The following TRPM4 variants were observed in gnomAD, a reference collection of about 807,000 sequenced individuals.
The protein encoded by TRPM4 is transient receptor potential cation channel subfamily M member 4.
Under a neutral mutation model 135.6 loss-of-function variants are expected in TRPM4, and 124 were observed. The ratio of observed to expected loss-of-function variants is 0.91; its 90% CI spans 0.79 to 1.06. The LOEUF (loss-of-function observed/expected upper bound fraction) is 1.06, where lower values mean the gene tolerates loss of function less well. Ranked by LOEUF, TRPM4 falls within the 50% of genes least tolerant of loss-of-function variation. The pLI, the probability that TRPM4 is intolerant of heterozygous loss-of-function variation, is 0.00. For missense variants in TRPM4, 1,658 were observed against 1,671.4 expected (o/e 0.99, Z 0.14); for synonymous variants, 745 against 705.6 (o/e 1.06, Z -0.88).
rs1454721040 is a variant in TRPM4, at chr19:49,164,374, T to TG, written c.93-1667_93-1666insG. ...TCCTTTCTTTCCTTAGTTTTTTTTT[T>TG]TTTTTTTTTTTTTTTTTTTTTTTTG... On this transcript the variant is annotated intron_variant, in intron 2 of 24. Coordinates refer to ENST00000252826, the MANE Select transcript of TRPM4 (RefSeq NM_017636.4). Among the ~76,000 whole-genome samples the TG allele has an allele frequency of 5.8e-3, 504 of 86,884 alleles. 3 individuals carry two copies. The highest frequency in any genetic ancestry group is 8.7e-3 in the South Asian group (20 of 2,310). 57.0% of individuals were successfully genotyped at this position (86,884 alleles called of 152,430 possible).
In TRPM4 at chr19:49,200,355, G is replaced by C; in HGVS notation, c.2701G>C (p.Val901Leu). The change falls in exon 18 of 25, where the codon GTT (valine) becomes CTT (leucine). Residue 901 changes from valine (V) to leucine (L), a missense_variant. By Grantham distance (32) the Val-to-Leu change is conservative. Coordinates refer to ENST00000252826, the MANE Select transcript of TRPM4 (RefSeq NM_017636.4). The part of the protein sequence containing the change: ...GRTVLCIDFM[V>L]FTVRLLHIFT... ...CACTGTCCTCTGCATCGACTTCATG[G>C]TTTTCACGGTGCGGCTGCTTCACAT... is the stretch of plus-strand genomic sequence containing the variant. The C allele has an allele frequency of 6.2e-7, 1 of 1,613,854 alleles. No individual in the cohort carries two copies. The highest frequency in any genetic ancestry group is 2.2e-5 in the East Asian group (1 of 44,860).
intron 9 of TRPM4, among the ~76,000 whole-genome samples, chr19:49,172,510 G>A (rs1482144309): frequency 1.3e-5 from 2 of 148,650 alleles, no homozygotes; most frequent in African/African-American, 5.0e-5. Context: ...CTTCTCACCT[G>A]TCCATCCACA....
chr19:49,168,313 G>A lies in TRPM4; in HGVS notation c.502G>A (p.Val168Met), dbSNP rs775979097. The A allele has an allele frequency of 6.2e-7, 1 of 1,614,176 alleles. No homozygotes were observed. The highest frequency in any genetic ancestry group is 8.5e-7 in the Non-Finnish European group (1 of 1,180,046). The change falls in exon 5 of 25, where the codon GTG (valine) becomes ATG (methionine). Residue 168 changes from valine to methionine, a missense_variant. Around this residue, in one of 3 missense-constraint regions of TRPM4, gnomAD observed 239 missense variants for 240.1 expected, o/e 1.00. Transcript: ENST00000252826. ...CACGGGCATCGGCCGGCATGTTGGT[G>A]TGGCTGTACGGGACCATCAGATGGC... ...LHTGIGRHVG[V>M]AVRDHQMAST... is the part of the protein sequence containing the mutation.
In TRPM4 at chr19:49,157,990, CGGA is replaced by C. The variant is rs540502894; in HGVS notation, c.24+106_24+108del. On this transcript the variant is annotated intron_variant, in intron 1 of 24. Transcript: ENST00000252826. Reference sequence around the variant, plus strand: ...TGGACACCCAGATTCCTGGGTCAGACGGAGGAGGGGGATGGGAGGGTCCAGGTT... The same window carrying C: ...TGGACACCCAGATTCCTGGGTCAGACGGAGGGGGATGGGAGGGTCCAGGTT... The C allele has an allele frequency of 1.4e-5, 19 of 1,398,232 alleles. No individual in the cohort carries two copies. In the Admixed American group the frequency reaches 2.2e-4, roughly 16 times the overall value. The allele number at this position is 1,398,232 out of a possible 1,614,324, so 86.6% of individuals were successfully genotyped here.
intron 9 of TRPM4, 48 bp from the exon 10 acceptor site, chr19:49,181,301 G>A (rs1459197483): frequency 1.4e-6 from 2 of 1,389,338 alleles, no homozygotes; most frequent in Admixed American, 1.7e-5. Flanking sequence ...TTCAGCAGAT[G>A]TCCCTCCTCC....
Position 49,200,595 on chromosome 19 carries a change from C to A in TRPM4, c.2779-16C>A. 6.2e-7 allele frequency: 1 copy of A among 1,610,952 alleles called. No individual in the cohort carries two copies. The highest frequency in any genetic ancestry group is 1.7e-4 in the Middle Eastern group (1 of 6,060). On this transcript the variant is annotated splice_polypyrimidine_tract_variant and intron_variant, in intron 18 of 24. Coordinates refer to ENST00000252826, the MANE Select transcript of TRPM4 (RefSeq NM_017636.4). Reference sequence around the variant, plus strand: ...TAGGAAAGGGCGGGGCCAGACTCAGCCACATCTCCCCACAGATGAAGGACG... The same window carrying A: ...TAGGAAAGGGCGGGGCCAGACTCAGACACATCTCCCCACAGATGAAGGACG...
intron 20 of TRPM4, 124 bp downstream of exon 20, chr19:49,202,265 C>G (rs968977773): frequency 3.5e-5 from 42 of 1,190,812 alleles, no homozygotes; most frequent in Middle Eastern, 2.1e-4. Flanking sequence ...TCTAATGCTG[C>G]CTTCTCCCCA....
At chr19:49,176,175 C>G (rs1055881512) in intron 9 of TRPM4, among the ~76,000 whole-genome samples, 2 of 151,846 alleles carry the variant, frequency 1.3e-5, no homozygotes, top group Non-Finnish European at 2.9e-5. Context: ...CCACCCGCCT[C>G]GGCCTCCCAA....
Position 49,187,119 on chromosome 19 carries a change from G to A in TRPM4, c.1744-1522G>A, listed in dbSNP as rs1625586. ...TTGCCACTGAACTGGGGAGCTGGGG[G>A]TAGTAAGTGGGTAGGTTAAAATGTC... On this transcript the variant is annotated intron_variant, in intron 12 of 24. Transcript: ENST00000252826. Among the ~76,000 whole-genome samples the A allele has an allele frequency of 8.7e-3, 1,320 of 152,046 alleles. 22 individuals carry two copies. Among genetic ancestry groups the A allele is most frequent in the African/African-American group, 0.03 (1,238 of 41,448 alleles).
intron 6 of TRPM4, 31 bp downstream of exon 6, chr19:49,168,767 A>G: frequency 6.4e-7 from 1 of 1,565,264 alleles, no homozygotes; most frequent in Non-Finnish European, 8.7e-7. Context: ...CCCACAACCC[A>G]CGACCCACAA....
rs200860926 is a variant in TRPM4, at chr19:49,183,184, C to A, written c.1715C>A (p.Ala572Glu). 2.3e-5 allele frequency: 37 copies of A among 1,614,006 alleles called. 1 individual carries two copies. The highest frequency in any genetic ancestry group is 3.1e-5 in the Non-Finnish European group (36 of 1,180,022). The change falls in exon 12 of 25, where the codon GCA (alanine) becomes GAA (glutamate). Residue 572 changes from alanine (A) to glutamate (E), a missense_variant. Ala to Glu is a moderately radical substitution (Grantham distance 107). This residue lies in a region of TRPM4 where 1,412 missense variants were observed against 1,408.7 expected (regional missense o/e 1.00). Coordinates refer to ENST00000252826, the MANE Select transcript of TRPM4 (RefSeq NM_017636.4). The stretch of plus-strand genomic sequence containing the variant: ...CTTTGGGCACTGTTGCTGAACAGGG[C>A]ACAGATGGCCATGTACTTCTGGGAG... ...LLLWALLLNR[A>E]QMAMYFWEMG...
Position 49,200,386 on chromosome 19 carries a change from C to T in TRPM4, c.2732C>T (p.Thr911Met), listed in dbSNP as rs148006852. The T allele has an allele frequency of 1.5e-5, 24 of 1,609,496 alleles. No homozygotes were observed. The African/African-American group carries it at 1.7e-4, about 12-fold the overall frequency. ...ACGGTGCGGCTGCTTCACATCTTCACGGTCAACAAACAGCTGGGGCCCAAG... is the reference window on the plus strand; with the variant it reads ...ACGGTGCGGCTGCTTCACATCTTCATGGTCAACAAACAGCTGGGGCCCAAG... ...VFTVRLLHIF[T>M]VNKQLGPKIV... is the part of the protein sequence containing the mutation. Residue 911 changes from threonine (T) to methionine (M), a missense_variant, in exon 18 of 25, where the codon ACG becomes ATG. Physicochemically the swap from Thr to Met is moderately conservative, Grantham distance 81 (BLOSUM62 -1). Around this residue, in one of 3 missense-constraint regions of TRPM4, gnomAD observed 1,412 missense variants for 1,408.7 expected, o/e 1.00. Transcript: ENST00000252826.
In TRPM4 at chr19:49,183,232, T is replaced by A; in HGVS notation, c.1743+20T>A. 1 of 1,613,942 alleles carries A rather than the reference T, an allele frequency of 6.2e-7. No homozygotes were observed. Among genetic ancestry groups the A allele is most frequent in the Non-Finnish European group, 8.5e-7 (1 of 1,180,016 alleles). The stretch of plus-strand genomic sequence containing the variant: ...GAGATGGTGAGTGCTGACTTGGCGC[T>A]CCTGCATCCCTGTCCTTTAGGCCAC... On this transcript the variant is annotated intron_variant, in intron 12 of 24. Transcript: ENST00000252826.
At position 49,190,194 on chromosome 19, in the gene TRPM4, C is replaced by T; in HGVS notation, c.2020-14C>T. The T allele has an allele frequency of 1.2e-6, 2 of 1,607,538 alleles. No homozygotes were observed. The highest frequency in any genetic ancestry group is 1.7e-6 in the Non-Finnish European group (2 of 1,174,074). On this transcript the variant is annotated splice_polypyrimidine_tract_variant and intron_variant, in intron 14 of 24. Coordinates refer to ENST00000252826, the MANE Select transcript of TRPM4 (RefSeq NM_017636.4). ...GGGGGAGATTTGGATCCTAATCCTTCCCACCCCCCACAGTCTCTGCTGACA... is the reference window on the plus strand; with the variant it reads ...GGGGGAGATTTGGATCCTAATCCTTTCCACCCCCCACAGTCTCTGCTGACA...
At position 49,196,464 on chromosome 19, in the gene TRPM4, G is replaced by A; in HGVS notation, c.2235G>A (p.Thr745=). ...GGACGGCGGACCCAGCCGAGAAGAC[G>A]CCGCTGGGGGTCCCGCGCCAGTCGG... ...PVGTADPAEK[T]PLGVPRQSGR... The change falls in exon 17 of 25, where the codon ACG becomes ACA. Residue 745 remains threonine (T), a synonymous_variant. Coordinates refer to ENST00000252826, the MANE Select transcript of TRPM4 (RefSeq NM_017636.4). 6.5e-7 allele frequency: 1 copy of A among 1,548,548 alleles called. No individual in the cohort carries two copies. Among genetic ancestry groups the A allele is most frequent in the Non-Finnish European group, 8.7e-7 (1 of 1,150,868 alleles).
intron 2 of TRPM4, chr19:49,159,803 A>C (rs1966896573): frequency 6.6e-6 from 1 of 152,166 alleles, no homozygotes; most frequent in Admixed American, 6.6e-5. Flanking sequence ...TTTTCAAGAC[A>C]GTTTTTGGGG....
chr19:49,180,649 T>C (rs1967882191), intron 9 of TRPM4, among the ~76,000 whole-genome samples: 1 of 151,998 alleles, frequency 6.6e-6, no homozygotes, highest in Non-Finnish European at 1.5e-5. Context: ...CTCTGGGCCC[T>C]AATCATATTA....
chr19:49,174,144 T>TTGTGTGTG (rs148469205), intron 9 of TRPM4, among the ~76,000 whole-genome samples: 2,267 of 149,708 alleles, frequency 0.015, 44 homozygotes, highest in Middle Eastern at 0.025. Context: ...CAAGGAAAAG[T>TTGTGTGTG]TGTGTGTGTG....
At chr19:49,191,042 AGAGCAG>A (rs1968393648) in intron 16 of TRPM4, among the ~76,000 whole-genome samples, 1 of 152,096 alleles carries the variant, frequency 6.6e-6, no homozygotes, top group African/African-American at 2.4e-5. Context: ...TCACATGGCG[AGAGCAG>A]AAGCAGGAGT....
Sources: gnomAD v4.1 joint callset for allele counts (sites outside exome capture counted in the v4.1 genomes callset) on GRCh38, gnomAD v4.1.1 for gene constraint, gnomAD v4.1.1 regional missense constraint, MANE v1.5 for transcripts, NCBI Gene and HGNC (gene_info 2026-07-23, HGNC 2026-07-21) for gene names.